NCKAP5: variants seen among roughly 807,000 people sequenced by gnomAD.
NCKAP5 encodes NCK associated protein 5.
In NCKAP5, 92 loss-of-function variants were observed where a neutral mutation model predicts 167.0. That is an observed-to-expected ratio of 0.55 (90% CI 0.47 to 0.66). The LOEUF (loss-of-function observed/expected upper bound fraction) is 0.66, where lower values mean the gene tolerates loss of function less well. NCKAP5 is among the 30% of genes least tolerant of loss of function. NCKAP5 has a pLI of 0.00. For missense variants in NCKAP5, 2,378 were observed against 2,315.0 expected (o/e 1.03, Z -0.56); for synonymous variants, 891 against 877.4 (o/e 1.02, Z -0.27).
chr2:133,123,452 T>C, intron 6 of NCKAP5: 1 of 196,332 alleles, frequency 5.1e-6, no homozygotes, highest in South Asian at 9.9e-5. Flanking sequence ...TTTTCTTCCA[T>C]CTGTTGTAAT....
intron 5 of NCKAP5, among the ~76,000 whole-genome samples, chr2:133,183,407 C>A (rs976120705): frequency 1.2e-4 from 19 of 152,056 alleles, no homozygotes; most frequent in African/African-American, 4.3e-4. Context: ...AGAATTATGA[C>A]CAAATAGAAT....
intron 3 of NCKAP5, among the ~76,000 whole-genome samples, chr2:133,501,211 A>G (rs894640537): frequency 6.6e-6 from 1 of 152,164 alleles, no homozygotes; most frequent in Non-Finnish European, 1.5e-5. Flanking sequence ...AGACAGAAAA[A>G]TTTACCCGTC....
intron 2 of NCKAP5, among the ~76,000 whole-genome samples, chr2:133,538,936 T>TG (rs1262528141): frequency 9.6e-4 from 122 of 127,540 alleles, no homozygotes; most frequent in African/African-American, 3.6e-3. Context: ...TTTGGGTTTT[T>TG]TTTTTTTTTT....
chr2:133,367,892 G>T (rs1305344700), intron 3 of NCKAP5, among the ~76,000 whole-genome samples: 1 of 152,140 alleles, frequency 6.6e-6, no homozygotes, highest in African/African-American at 2.4e-5. Context: ...AGAGCTTTTT[G>T]GATGTTAGGA....
At chr2:132,732,877 A>G (rs1158865028) in intron 16 of NCKAP5, among the ~76,000 whole-genome samples, 1 of 152,186 alleles carries the variant, frequency 6.6e-6, no homozygotes, top group Admixed American at 6.5e-5. Context: ...CCCAAAGGGT[A>G]CCTTTCCCAT....
chr2:133,411,815 A>T (rs1688790570), intron 3 of NCKAP5, among the ~76,000 whole-genome samples: 1 of 152,146 alleles, frequency 6.6e-6, no homozygotes, highest in Non-Finnish European at 1.5e-5. Flanking sequence ...GCAAAATTCG[A>T]CTTTGGGTTT....
chr2:133,386,570 G>T (rs1438978054), intron 3 of NCKAP5, among the ~76,000 whole-genome samples: 1 of 152,132 alleles, frequency 6.6e-6, no homozygotes, highest in Non-Finnish European at 1.5e-5. Flanking sequence ...AGGTCTGCTT[G>T]GTGCAGAGCT....
the NCKAP5 span, among the ~76,000 whole-genome samples, chr2:133,616,734 C>G: frequency 2.0e-5 from 3 of 151,958 alleles, no homozygotes; most frequent in African/African-American, 7.3e-5. Context: ...CAAGGAGGAA[C>G]TGGTACCATT....
intron 16 of NCKAP5, among the ~76,000 whole-genome samples, chr2:132,739,814 C>T (rs1421590705): frequency 6.6e-6 from 1 of 152,156 alleles, no homozygotes; most frequent in Non-Finnish European, 1.5e-5. Flanking sequence ...GAGGTAGCTG[C>T]AATCTGCCTC....
intron 4 of NCKAP5, among the ~76,000 whole-genome samples, chr2:133,244,716 G>T (rs556050231): frequency 2.0e-5 from 3 of 152,250 alleles, no homozygotes; most frequent in Admixed American, 2.0e-4. Context: ...GAAAGTATGG[G>T]AAAAGTCTTC....
chr2:133,100,443 G>A (rs1258695456), intron 6 of NCKAP5, among the ~76,000 whole-genome samples: 4 of 152,150 alleles, frequency 2.6e-5, no homozygotes, highest in Non-Finnish European at 4.4e-5. Context: ...AATTTAGAAG[G>A]ACTTTGTTCA....
intron 6 of NCKAP5, among the ~76,000 whole-genome samples, chr2:133,045,633 TAA>T (rs1187918281): frequency 1.3e-5 from 2 of 152,180 alleles, no homozygotes; most frequent in African/African-American, 4.8e-5. Flanking sequence ...CTCTGTATGC[TAA>T]GTTTTTTCTA....
At chr2:133,056,330 A>T (rs1480490486) in intron 6 of NCKAP5, among the ~76,000 whole-genome samples, 2 of 152,170 alleles carry the variant, frequency 1.3e-5, no homozygotes, top group African/African-American at 4.8e-5. Context: ...ACATATTATT[A>T]GTTTCAAATG....
chr2:132,874,494 G>C (rs2044563), intron 9 of NCKAP5, among the ~76,000 whole-genome samples: 37,029 of 152,076 alleles, frequency 0.24, 4,602 homozygotes, highest in East Asian at 0.42. Context: ...TCTAGGCTAG[G>C]CATGTAGCAT....
chr2:132,794,351 G>A (rs908425901), intron 12 of NCKAP5, among the ~76,000 whole-genome samples: 84 of 147,346 alleles, frequency 5.7e-4, no homozygotes, highest in African/African-American at 2.0e-3. Flanking sequence ...CAGAGACAGA[G>A]GCCAGGCACA....
At chr2:132,800,957 G>A (rs547071399) in intron 11 of NCKAP5, among the ~76,000 whole-genome samples, 132 of 152,280 alleles carry the variant, frequency 8.7e-4, no homozygotes, top group Non-Finnish European at 1.7e-3. Context: ...TTCTTTCTGG[G>A]GGCACGGCTG....
intron 2 of NCKAP5, among the ~76,000 whole-genome samples, chr2:133,525,641 G>C (rs192684370): frequency 1.3e-5 from 2 of 152,126 alleles, no homozygotes; most frequent in Non-Finnish European, 2.9e-5. Context: ...GATATAATTC[G>C]TATATCATAT....
intron 11 of NCKAP5, among the ~76,000 whole-genome samples, chr2:132,808,680 A>T (rs1271982980): frequency 2.0e-5 from 3 of 151,962 alleles, no homozygotes; most frequent in African/African-American, 7.2e-5. Context: ...GCTAATGGTC[A>T]ATCAATTTTA....
chr2:132,812,071 G>A (rs1167781560), intron 11 of NCKAP5, among the ~76,000 whole-genome samples: 1 of 152,198 alleles, frequency 6.6e-6, no homozygotes, highest in African/African-American at 2.4e-5. Flanking sequence ...GTTTGGGAGA[G>A]GAAGGTCTCC....
Sources: gnomAD v4.1 joint callset for allele counts (sites outside exome capture counted in the v4.1 genomes callset) on GRCh38, gnomAD v4.1.1 for gene constraint, MANE v1.5 for transcripts, NCBI Gene and HGNC (gene_info 2026-07-23, HGNC 2026-07-21) for gene names.